COL14A1: variants seen among roughly 807,000 people sequenced by gnomAD.
The protein encoded by COL14A1 is collagen type XIV alpha 1 chain, also known as collagen alpha-1(XIV) chain.
In COL14A1, 136 loss-of-function variants were observed where a neutral mutation model predicts 230.3. The observed-to-expected ratio is 0.59, with a 90% CI of 0.51 to 0.68. The LOEUF is 0.68. Among genes scored for constraint, COL14A1 ranks in the 30% least tolerant of loss-of-function variants. COL14A1 has a pLI of 0.00. For synonymous variants in COL14A1, 792 were observed against 784.1 expected, an observed-to-expected ratio of 1.01 and a Z score of -0.17; for missense variants, 1,976 against 2,215.8, an observed-to-expected ratio of 0.89 and a Z score of 2.17.
At chr8:120,252,353 C>T (rs181519869) in intron 22 of COL14A1, among the ~76,000 whole-genome samples, 7 of 152,228 alleles carry the variant, frequency 4.6e-5, no homozygotes, top group East Asian at 3.9e-4. Flanking sequence ...CCAAACCTCC[C>T]GTCTTTAGTC....
chr8:120,148,016 A>G (rs1815153500), intron 2 of COL14A1, 86 bp downstream of exon 2: 1 of 994,180 alleles, frequency 1.0e-6, no homozygotes, highest in Non-Finnish European at 1.5e-6. Flanking sequence ...TATCCTAACA[A>G]TATGTCGGCT....
intron 46 of COL14A1, among the ~76,000 whole-genome samples, chr8:120,367,800 C>G (rs540996494): frequency 6.6e-6 from 1 of 151,920 alleles, no homozygotes; most frequent in Admixed American, 6.6e-5. Context: ...AAAAATTTAA[C>G]CAGGCGTGGT....
At chr8:120,158,778 A>G (rs1330434760) in intron 3 of COL14A1, among the ~76,000 whole-genome samples, 1 of 152,204 alleles carries the variant, frequency 6.6e-6, no homozygotes, top group Non-Finnish European at 1.5e-5. Context: ...GCTTAAAGAT[A>G]CTTTATTATT....
intron 3 of COL14A1, among the ~76,000 whole-genome samples, chr8:120,158,517 T>C (rs1484246513): frequency 6.6e-6 from 1 of 152,198 alleles, no homozygotes. Flanking sequence ...ATACTTTGAA[T>C]TCATTGGAAC....
In COL14A1 at chr8:120,272,331, G is replaced by A. The variant is rs573405209; in HGVS notation, c.3213+2157G>A. Among the ~76,000 whole-genome samples, 15 of 151,740 alleles carry A rather than the reference G, an allele frequency of 9.9e-5. No homozygotes were observed. In the South Asian group the frequency reaches 3.1e-3, roughly 32 times the overall value. ...GGAAACAAAAGGTTGATATACATCA[G>A]AATATAACCTCTTGAAAGCATAAAA... On this transcript the variant is annotated intron_variant, in intron 26 of 47. Transcript: ENST00000297848.
intron 10 of COL14A1, among the ~76,000 whole-genome samples, chr8:120,207,330 A>C (rs1351548642): frequency 6.6e-6 from 1 of 152,230 alleles, no homozygotes; most frequent in Non-Finnish European, 1.5e-5. Context: ...AATTTCTAAC[A>C]CAACGTATTT....
intron 19 of COL14A1, among the ~76,000 whole-genome samples, chr8:120,238,840 G>A (rs779517853): frequency 6.6e-5 from 10 of 152,140 alleles, no homozygotes; most frequent in Non-Finnish European, 1.0e-4. Context: ...GTCCCTCATG[G>A]CTTCCCTTGG....
chr8:120,335,076 CAA>C (rs1822006637), intron 42 of COL14A1, among the ~76,000 whole-genome samples: 1 of 152,052 alleles, frequency 6.6e-6, no homozygotes, highest in Admixed American at 6.6e-5. Flanking sequence ...GATCCTGACC[CAA>C]GAGGGAGGGA....
At chr8:120,327,126 G>A (rs1424337774) in intron 40 of COL14A1, among the ~76,000 whole-genome samples, 3 of 152,158 alleles carry the variant, frequency 2.0e-5, no homozygotes, top group Non-Finnish European at 4.4e-5. Flanking sequence ...AGTTGTTTAT[G>A]ACAGTCCATG....
chr8:120,156,726 T>G (rs769041040), intron 2 of COL14A1, among the ~76,000 whole-genome samples: 2 of 152,334 alleles, frequency 1.3e-5, no homozygotes, highest in Admixed American at 6.5e-5. Flanking sequence ...ATGATATCCA[T>G]TATCCTATTT....
At chr8:120,355,377 G>A (rs1443402166) in intron 45 of COL14A1, among the ~76,000 whole-genome samples, 1 of 151,470 alleles carries the variant, frequency 6.6e-6, no homozygotes, top group African/African-American at 2.4e-5. Context: ...CAGTTGAAAA[G>A]AATTAGAAAA....
At chr8:120,280,235 T>C in intron 29 of COL14A1, 136 bp downstream of exon 29, 1 of 1,033,926 alleles carries the variant, frequency 9.7e-7, no homozygotes, top group Non-Finnish European at 1.4e-6. Flanking sequence ...AGACATTAAG[T>C]TTTGTGGCTT....
In COL14A1 at chr8:120,203,730, A is replaced by G. The variant is rs533083332; in HGVS notation, c.899A>G (p.Asn300Ser). The stretch of plus-strand genomic sequence containing the variant: ...TAAGGGGTGAAAAACGCGGATGTGA[A>G]TGAGCTGCAGGAGATCGCCTCTGAA... ...FAIGVKNADV[N>S]ELQEIASEPD... Residue 300 changes from asparagine to serine, a missense_variant, in exon 9 of 48, where the codon AAT becomes AGT. This residue lies in a region of COL14A1 where 1,791 missense variants were observed against 2,019.5 expected (regional missense o/e 0.89). Coordinates refer to ENST00000297848, the MANE Select transcript of COL14A1 (RefSeq NM_021110.4). 6.2e-7 allele frequency: 1 copy of G among 1,613,834 alleles called. No homozygotes were observed. The highest frequency in any genetic ancestry group is 8.5e-7 in the Non-Finnish European group (1 of 1,179,854).
intron 1 of COL14A1, among the ~76,000 whole-genome samples, chr8:120,140,078 AAGAT>A (rs1814850133): frequency 6.6e-6 from 1 of 152,180 alleles, no homozygotes; most frequent in Non-Finnish European, 1.5e-5. Context: ...TAAAAAATAA[AAGAT>A]AGATATTATC....
intron 5 of COL14A1, among the ~76,000 whole-genome samples, chr8:120,193,077 T>C (rs1429033308): frequency 3.3e-5 from 5 of 152,230 alleles, no homozygotes; most frequent in Non-Finnish European, 5.9e-5. Flanking sequence ...AGCTTTGTTC[T>C]GTTGCTGGTG....
intron 5 of COL14A1, among the ~76,000 whole-genome samples, chr8:120,170,372 A>G (rs1382338652): frequency 6.6e-6 from 1 of 152,036 alleles, no homozygotes; most frequent in Non-Finnish European, 1.5e-5. Flanking sequence ...ACTATTTTCT[A>G]CATTTCACTA....
intron 34 of COL14A1, among the ~76,000 whole-genome samples, chr8:120,291,431 C>T (rs577599415): frequency 1.1e-4 from 17 of 151,462 alleles, no homozygotes; most frequent in Admixed American, 2.6e-4. Context: ...TGTGGTGGCA[C>T]GCACCTGTAG....
chr8:120,338,052 A>G (rs554181481), intron 42 of COL14A1, among the ~76,000 whole-genome samples: 1 of 152,306 alleles, frequency 6.6e-6, no homozygotes, highest in African/African-American at 2.4e-5. Flanking sequence ...TACCATGTCA[A>G]TCAGGTTTGC....
chr8:120,152,449 G>C (rs527960269), intron 2 of COL14A1, among the ~76,000 whole-genome samples: 3 of 116,292 alleles, frequency 2.6e-5, no homozygotes, highest in Non-Finnish European at 4.8e-5. Flanking sequence ...CAGCTTGGGC[G>C]ACACAGCGAG....
Sources: gnomAD v4.1 joint callset for allele counts (sites outside exome capture counted in the v4.1 genomes callset) on GRCh38, gnomAD v4.1.1 for gene constraint, gnomAD v4.1.1 regional missense constraint, MANE v1.5 for transcripts, NCBI Gene and HGNC (gene_info 2026-07-23, HGNC 2026-07-21) for gene names.